The following MATN3 variants were observed in gnomAD, a reference collection of about 807,000 sequenced individuals.
MATN3 encodes the protein matrilin 3, also known as matrilin-3.
A neutral mutation model predicts 45.3 loss-of-function variants in MATN3; 48 were observed. The ratio of observed to expected loss-of-function variants is 1.06; its 90% CI spans 0.84 to 1.35. The LOEUF (loss-of-function observed/expected upper bound fraction) is 1.35. MATN3 is among the 40% of genes most tolerant of loss of function. The pLI, the probability that MATN3 is intolerant of heterozygous loss-of-function variation, is 0.00. For missense variants in MATN3, 599 were observed against 628.0 expected (o/e 0.95, Z 0.49); for synonymous variants, 217 against 245.9 (o/e 0.88, Z 1.10).
At chr2:20,009,156 T>TCAAGG (rs1558375945) in intron 1 of MATN3, among the ~76,000 whole-genome samples, 1 of 144,338 alleles carries the variant, frequency 6.9e-6, no homozygotes, top group Non-Finnish European at 1.5e-5. Flanking sequence ...AGCTAGAGAG[T>TCAAGG]CAAGGCTGCA....
At chr2:20,001,314 G>T (rs1380504556) in intron 4 of MATN3, among the ~76,000 whole-genome samples, 1 of 152,152 alleles carries the variant, frequency 6.6e-6, no homozygotes, top group African/African-American at 2.4e-5. Context: ...TCCAATCCAG[G>T]ATTCCACATT....
rs1433725784 is a variant in MATN3, at chr2:19,993,107, C to G, written c.*4G>C. On this transcript the variant is annotated 3_prime_UTR_variant, in exon 8 of 8. Transcript: ENST00000407540. The stretch of plus-strand genomic sequence containing the variant: ...CACATTTTCAGGTGAGAAATTGGAG[C>G]AATTTAACGATGTATTTGTCCATAT... 6.2e-7 allele frequency: 1 copy of G among 1,611,110 alleles called. No homozygotes were observed. The highest frequency in any genetic ancestry group is 1.1e-5 in the South Asian group (1 of 90,952).
chr2:20,007,809 C>A lies in MATN3; in HGVS notation c.224-1499G>T, dbSNP rs573298478. Among the ~76,000 whole-genome samples, 6 of 152,312 alleles carry A rather than the reference C, an allele frequency of 3.9e-5. No homozygotes were observed. In the South Asian group the frequency reaches 1.2e-3, roughly 32 times the overall value. On this transcript the variant is annotated intron_variant, in intron 1 of 7. Transcript: ENST00000407540. ...TTATCTCTTTTCTACACAAAAGTAC[C>A]TAACAGTTTAGTATCACAGTACATT...
intron 2 of MATN3, chr2:20,004,252 C>T (rs556851090): frequency 6.6e-6 from 1 of 152,302 alleles, no homozygotes; most frequent in Non-Finnish European, 1.5e-5. Flanking sequence ...CGTTTTTCCC[C>T]CAGAACAAGC....
chr2:19,993,241 A>C, intron 7 of MATN3, 75 bp from the exon 8 acceptor site: 3 of 1,085,068 alleles, frequency 2.8e-6, no homozygotes, highest in Non-Finnish European at 4.2e-6. Flanking sequence ...AACACTTCAC[A>C]AGATAAAATA....
intron 1 of MATN3, among the ~76,000 whole-genome samples, chr2:20,007,626 A>G (rs1253894368): frequency 6.6e-6 from 1 of 152,196 alleles, no homozygotes; most frequent in African/African-American, 2.4e-5. Flanking sequence ...AGGGATTGTG[A>G]TCTGGTATCT....
intron 3 of MATN3, 116 bp downstream of exon 3, chr2:20,003,045 C>G (rs1673017600): frequency 7.9e-7 from 1 of 1,265,712 alleles, no homozygotes; most frequent in Non-Finnish European, 1.1e-6. Context: ...AGTAAACCAG[C>G]CAAAAGGCAG....
At chr2:20,010,250 A>C (rs1237755792) in intron 1 of MATN3, among the ~76,000 whole-genome samples, 5 of 152,158 alleles carry the variant, frequency 3.3e-5, no homozygotes, top group Non-Finnish European at 4.4e-5. Flanking sequence ...TGTAATTGAC[A>C]GTGCTTTCAC....
At chr2:20,011,360 G>T (rs1419255005) in intron 1 of MATN3, among the ~76,000 whole-genome samples, 1 of 152,234 alleles carries the variant, frequency 6.6e-6, no homozygotes, top group Non-Finnish European at 1.5e-5. Flanking sequence ...ATCTAGCCCT[G>T]TGGACCCCGG....
Position 20,012,587 on chromosome 2 carries a change from CAGG to C in MATN3, c.42_44del (p.Leu17del), listed in dbSNP as rs1388601574. ...GCAGCAGCAGCAGCGGCCAGAGCAG[CAGG>C]AGGAGTCCCGGGAGGCGGCGCGCGG... On this transcript the variant is annotated inframe_deletion, in exon 1 of 8. Transcript: ENST00000407540. The surrounding 1 kb of genome is among the most constrained non-coding windows in gnomAD (Gnocchi z 4.3). 1 of 1,225,080 alleles carries C rather than the reference CAGG, an allele frequency of 8.2e-7. No homozygotes were observed. Among genetic ancestry groups the C allele is most frequent in the South Asian group, 4.1e-5 (1 of 24,472 alleles). The allele number at this position is 1,225,080 out of a possible 1,614,324, so 75.9% of individuals were successfully genotyped here. A position where few individuals can be genotyped will look rare whatever the true frequency, so the allele number is the denominator to read the frequency against.
At chr2:20,003,597 C>T (rs1474431792) in intron 2 of MATN3, among the ~76,000 whole-genome samples, 2 of 151,972 alleles carry the variant, frequency 1.3e-5, no homozygotes, top group Non-Finnish European at 2.9e-5. Flanking sequence ...TTGGCTTATC[C>T]GCCTCCCCAT....
intron 2 of MATN3, 138 bp downstream of exon 2, chr2:20,005,606 G>GCA (rs147178840): frequency 2.0e-4 from 141 of 705,660 alleles, no homozygotes; most frequent in South Asian, 2.7e-4. Context: ...ATGCACACGT[G>GCA]CACACACACA....
Position 20,000,093 on chromosome 2 carries a change from A to G in MATN3, c.1168+348T>C, listed in dbSNP as rs571839915. 5.3e-5 allele frequency among the ~76,000 whole-genome samples: 8 copies of G among 152,354 alleles called. No individual in the cohort carries two copies. The East Asian group carries it at 1.5e-3, about 29-fold the overall frequency. On this transcript the variant is annotated intron_variant, in intron 5 of 7. Coordinates refer to ENST00000407540, the MANE Select transcript of MATN3 (RefSeq NM_002381.5). ...AACTGGAAAAAGATCAGTTCATCCT[A>G]TCACACCAAATAGTTACTGTCCAAC... is the stretch of plus-strand genomic sequence containing the variant.
intron 2 of MATN3, among the ~76,000 whole-genome samples, chr2:20,005,010 C>T (rs1208850622): frequency 6.6e-6 from 1 of 152,140 alleles, no homozygotes; most frequent in African/African-American, 2.4e-5. Context: ...TAGATTTGGT[C>T]AATTCATGCT....
chr2:19,997,495 A>G (rs1672899913), intron 5 of MATN3: 4 of 385,308 alleles, frequency 1.0e-5, no homozygotes, highest in Admixed American at 4.5e-5. Context: ...ACAGATATCT[A>G]AGGGTACCTT....
intron 6 of MATN3, among the ~76,000 whole-genome samples, chr2:19,996,622 G>A (rs928854299): frequency 6.6e-6 from 1 of 152,234 alleles, no homozygotes; most frequent in Non-Finnish European, 1.5e-5. Flanking sequence ...GATGCAGGAA[G>A]AAGCAGTGAA....
chr2:20,012,594 A>C lies in MATN3; in HGVS notation c.38T>G (p.Leu13Arg), dbSNP rs879441088. ...RPAPARRLPG[L>R]LLLLWPLLLL... The stretch of plus-strand genomic sequence containing the variant: ...CAGCAGCGGCCAGAGCAGCAGGAGG[A>C]GTCCCGGGAGGCGGCGCGCGGGGGC... The change falls in exon 1 of 8, where the codon CTC becomes CGC. Residue 13 changes from leucine (L) to arginine (R), a missense_variant. Physicochemically the swap from Leu to Arg is moderately radical, Grantham distance 102. Transcript: ENST00000407540. The surrounding 1 kb of genome is among the most constrained non-coding windows in gnomAD (Gnocchi z 4.3). 2 of 1,222,696 alleles carry C rather than the reference A, an allele frequency of 1.6e-6. No homozygotes were observed. Among genetic ancestry groups the C allele is most frequent in the African/African-American group, 1.6e-5 (1 of 63,696 alleles). The allele number at this position is 1,222,696 out of a possible 1,614,324, so 75.7% of individuals were successfully genotyped here.
At chr2:19,994,982 C>G (rs577444580) in intron 6 of MATN3, among the ~76,000 whole-genome samples, 1 of 151,754 alleles carries the variant, frequency 6.6e-6, no homozygotes, top group South Asian at 2.1e-4. Context: ...CCTAGCTACT[C>G]GAGAGGCTGA....
chr2:20,004,277 A>G (rs566044742), intron 2 of MATN3: 1 of 152,246 alleles, frequency 6.6e-6, no homozygotes, highest in Non-Finnish European at 1.5e-5. Flanking sequence ...CTTTTGTACC[A>G]GAAGGAAAAG....
Sources: gnomAD v4.1 joint callset for allele counts (sites outside exome capture counted in the v4.1 genomes callset) on GRCh38, gnomAD v4.1.1 for gene constraint, Gnocchi (gnomAD v3.1) non-coding constraint, MANE v1.5 for transcripts, NCBI Gene and HGNC (gene_info 2026-07-23, HGNC 2026-07-21) for gene names.